The following TENM1 variants were observed in gnomAD, a reference collection of about 807,000 sequenced individuals.
TENM1 encodes teneurin-1.
In TENM1, 35 loss-of-function variants were observed where a neutral mutation model predicts 174.8. The observed-to-expected ratio is 0.20, with a 90% CI of 0.15 to 0.27. The LOEUF is 0.27. Ranked by LOEUF, TENM1 falls within the 10% of genes least tolerant of loss-of-function variation. The pLI is 1.00. For synonymous variants in TENM1, 781 were observed against 798.7 expected (o/e 0.98, Z 0.37); for missense variants, 1,633 against 2,130.1 (o/e 0.77, Z 4.59).
At chrX:124,949,660 C>G (rs779541126) in intron 1 of TENM1, among the ~76,000 whole-genome samples, 18 of 111,735 alleles carry the variant, frequency 1.6e-4, no homozygotes, top group Non-Finnish European at 3.0e-4. Flanking sequence ...AGGACAATCC[C>G]ATTACAAATT....
the TENM1 span, among the ~76,000 whole-genome samples, chrX:124,983,040 T>C: frequency 8.9e-6 from 1 of 112,295 alleles, no homozygotes; most frequent in Non-Finnish European, 1.9e-5. Context: ...ACACATGTTG[T>C]ATGTCTTTTG....
At chrX:124,861,939 A>G (rs924907551) in intron 3 of TENM1, among the ~76,000 whole-genome samples, 1 of 112,175 alleles carries the variant, frequency 8.9e-6, no homozygotes, top group African/African-American at 3.2e-5. Flanking sequence ...GGTTGTGTCT[A>G]CATGCATTGA....
intron 23 of TENM1, among the ~76,000 whole-genome samples, chrX:124,439,976 G>T (rs1359909842): frequency 9.0e-6 from 1 of 110,966 alleles, no homozygotes; most frequent in Non-Finnish European, 1.9e-5. Flanking sequence ...GTGGATCTAG[G>T]ATTTAAACCC....
At chrX:125,014,474 T>C in the TENM1 span, among the ~76,000 whole-genome samples, 1 of 112,414 alleles carries the variant, frequency 8.9e-6, no homozygotes, top group Non-Finnish European at 1.9e-5. Context: ...GGTAAACCAG[T>C]GGATTCCAAA....
chrX:125,103,513 T>C, the TENM1 span, among the ~76,000 whole-genome samples: 1 of 111,572 alleles, frequency 9.0e-6, no homozygotes, highest in African/African-American at 3.3e-5. Flanking sequence ...AATTTTTAGA[T>C]ATTTTGACAA....
At chrX:125,175,287 A>G in the TENM1 span, among the ~76,000 whole-genome samples, 1 of 111,670 alleles carries the variant, frequency 9.0e-6, no homozygotes, top group Non-Finnish European at 1.9e-5. Context: ...AAGAAAGCAT[A>G]TTCACCCTTT....
chrX:124,440,001 C>T (rs1391327240), intron 23 of TENM1, among the ~76,000 whole-genome samples: 1 of 110,933 alleles, frequency 9.0e-6, no homozygotes, highest in Non-Finnish European at 1.9e-5. Flanking sequence ...AGTCTGTATT[C>T]CCATACCATT....
chrX:124,568,609 C>T (rs1400317000), intron 11 of TENM1, among the ~76,000 whole-genome samples: 3 of 111,374 alleles, frequency 2.7e-5, no homozygotes, highest in Non-Finnish European at 5.7e-5. Flanking sequence ...AATTCTGTTT[C>T]TAGTAATAGG....
chrX:124,388,190 C>A (rs940952327), intron 28 of TENM1, among the ~76,000 whole-genome samples: 3 of 111,447 alleles, frequency 2.7e-5, no homozygotes, highest in Admixed American at 1.9e-4. Flanking sequence ...ACCATATGGC[C>A]CCCACACATT....
At chrX:124,413,388 C>T (rs1291741491) in intron 25 of TENM1, among the ~76,000 whole-genome samples, 1 of 111,461 alleles carries the variant, frequency 9.0e-6, no homozygotes, top group Admixed American at 9.5e-5. Context: ...GAGTAGATCT[C>T]ACTCCATGTA....
intron 23 of TENM1, among the ~76,000 whole-genome samples, chrX:124,431,410 AT>A (rs1280929087): frequency 8.9e-6 from 1 of 111,990 alleles, no homozygotes; most frequent in Non-Finnish European, 1.9e-5. Flanking sequence ...CAGGAAGCGT[AT>A]GATTATCTCT....
the TENM1 span, among the ~76,000 whole-genome samples, chrX:124,996,401 T>C: frequency 9.1e-6 from 1 of 110,239 alleles, no homozygotes; most frequent in Non-Finnish European, 1.9e-5. Flanking sequence ...CTCCTAAAAA[T>C]AGATATTCCA....
exon 29 of TENM1, chrX:124,385,941 C>G (rs1228211794): frequency 2.5e-6 from 3 of 1,208,478 alleles, no homozygotes; most frequent in Non-Finnish European, 3.4e-6. Flanking sequence ...CGGTAGTAGC[C>G]CACTGAAAGC....
chrX:125,086,318 T>G, the TENM1 span, among the ~76,000 whole-genome samples: 2 of 110,952 alleles, frequency 1.8e-5, no homozygotes, highest in Non-Finnish European at 3.8e-5. Context: ...ATAATCATTT[T>G]AAAAGTAAAG....
At chrX:124,679,234 T>G (rs1402168799) in intron 5 of TENM1, among the ~76,000 whole-genome samples, 1 of 112,437 alleles carries the variant, frequency 8.9e-6, no homozygotes, top group Admixed American at 9.4e-5. Context: ...TCTAAGATAC[T>G]TTGTTTTCCC....
chrX:124,521,333 G>A (rs745927851), intron 17 of TENM1, among the ~76,000 whole-genome samples: 1 of 111,745 alleles, frequency 8.9e-6, no homozygotes, highest in Non-Finnish European at 1.9e-5. Context: ...AATCTTTACC[G>A]ATGCCATCAA....
chrX:124,780,319 G>T (rs1015760951), intron 3 of TENM1, among the ~76,000 whole-genome samples: 2 of 112,232 alleles, frequency 1.8e-5, no homozygotes, highest in Non-Finnish European at 3.8e-5. Context: ...ATGGTTGTTA[G>T]CTTTTAAGAA....
intron 15 of TENM1, among the ~76,000 whole-genome samples, chrX:124,540,163 C>T (rs1014858290): frequency 8.9e-6 from 1 of 112,137 alleles, no homozygotes; most frequent in Non-Finnish European, 1.9e-5. Context: ...ACAATGTAAA[C>T]TCTGAATAAG....
chrX:124,832,047 A>C (rs1023494802), intron 3 of TENM1, among the ~76,000 whole-genome samples: 3 of 111,825 alleles, frequency 2.7e-5, no homozygotes, highest in African/African-American at 9.8e-5. Context: ...TGAATTTTTA[A>C]CAGTGTTTTG....
Sources: gnomAD v4.1 joint callset for allele counts (sites outside exome capture counted in the v4.1 genomes callset) on GRCh38, gnomAD v4.1.1 for gene constraint, MANE v1.5 for transcripts, NCBI Gene and HGNC (gene_info 2026-07-23, HGNC 2026-07-21) for gene names.